UBE2V1: variants seen among roughly 807,000 people sequenced by gnomAD.
UBE2V1 encodes the protein ubiquitin-conjugating enzyme E2 variant 1.
A neutral mutation model predicts 19.6 loss-of-function variants in UBE2V1; 15 were observed. The ratio of observed to expected loss-of-function variants is 0.77; its 90% CI spans 0.51 to 1.18. The LOEUF is 1.18. UBE2V1 is among the 50% of genes most tolerant of loss of function. UBE2V1 has a pLI of 0.00. For synonymous variants in UBE2V1, 60 were observed against 60.7 expected, an observed-to-expected ratio of 0.99 and a Z score of 0.05; for missense variants, 125 against 184.8, an observed-to-expected ratio of 0.68 and a Z score of 1.88.
At chr20:50,086,299 G>A (rs1310490786) in intron 2 of UBE2V1, among the ~76,000 whole-genome samples, 1 of 152,134 alleles carries the variant, frequency 6.6e-6, no homozygotes, top group Non-Finnish European at 1.5e-5. Flanking sequence ...CTGAGGCTCA[G>A]TTATGCATCA....
chr20:50,089,159 G>A (rs1331139455), intron 2 of UBE2V1, among the ~76,000 whole-genome samples: 1 of 152,112 alleles, frequency 6.6e-6, no homozygotes, highest in Non-Finnish European at 1.5e-5. Context: ...ATGTAATAAC[G>A]AAATGAAGCA....
intron 1 of UBE2V1, among the ~76,000 whole-genome samples, chr20:50,108,196 G>T (rs1309160997): frequency 6.6e-6 from 1 of 152,200 alleles, no homozygotes; most frequent in Non-Finnish European, 1.5e-5. Context: ...AAAGCAAGAG[G>T]CTTTTTCCAT....
At chr20:50,093,862 A>AC (rs1296106095) in intron 2 of UBE2V1, among the ~76,000 whole-genome samples, 1 of 150,542 alleles carries the variant, frequency 6.6e-6, no homozygotes, top group Non-Finnish European at 1.5e-5. Context: ...GGTGGCGGGT[A>AC]CCTGTAATCC....
intron 2 of UBE2V1, among the ~76,000 whole-genome samples, chr20:50,086,556 C>A (rs186284999): frequency 4.7e-4 from 71 of 152,262 alleles, no homozygotes; most frequent in African/African-American, 1.7e-3. Flanking sequence ...TCCTCAGAAC[C>A]TATCATAGTC....
At chr20:50,091,428 T>TTTTTG (rs2079216106) in intron 2 of UBE2V1, among the ~76,000 whole-genome samples, 1 of 149,830 alleles carries the variant, frequency 6.7e-6, no homozygotes, top group African/African-American at 2.5e-5. Flanking sequence ...TTTTTTTTTT[T>TTTTTG]GAGATGGAGT....
chr20:50,101,050 A>T (rs1480788963), intron 1 of UBE2V1, among the ~76,000 whole-genome samples: 1 of 152,240 alleles, frequency 6.6e-6, no homozygotes, highest in Non-Finnish European at 1.5e-5. Context: ...CAAGTGTGCA[A>T]AGCCCACACA....
Position 50,082,645 on chromosome 20 carries a change from G to A in UBE2V1, c.*123C>T. The A allele has an allele frequency of 6.8e-7, 1 of 1,467,760 alleles. No homozygotes were observed. The highest frequency in any genetic ancestry group is 9.0e-7 in the Non-Finnish European group (1 of 1,112,722). 90.9% of individuals were successfully genotyped at this position (1,467,760 alleles called of 1,614,324 possible). The stretch of plus-strand genomic sequence containing the variant: ...CTTAAGATAAATTTCCTTTGAATGG[G>A]AGCTTCCTTTCCGGTACTTTGAGGT... On this transcript the variant is annotated 3_prime_UTR_variant, in exon 4 of 4. Coordinates refer to ENST00000371674, the MANE Select transcript of UBE2V1 (RefSeq NM_001032288.3).
intron 2 of UBE2V1, among the ~76,000 whole-genome samples, chr20:50,094,745 TG>T (rs1378602845): frequency 6.6e-6 from 1 of 151,798 alleles, no homozygotes. Flanking sequence ...GGAGGGAGAA[TG>T]GGGGGTGCCT....
At chr20:50,109,836 A>G (rs1201707268) in intron 1 of UBE2V1, among the ~76,000 whole-genome samples, 1 of 151,638 alleles carries the variant, frequency 6.6e-6, no homozygotes, top group Non-Finnish European at 1.5e-5. Context: ...TCTTTGGCTG[A>G]GCACAATATG....
upstream of UBE2V1, among the ~76,000 whole-genome samples, chr20:50,114,185 G>A (rs866962673): frequency 1.8e-4 from 28 of 152,116 alleles, no homozygotes; most frequent in Admixed American, 2.0e-4. Flanking sequence ...TAGACACTGA[G>A]GCTGAGAGAG....
intron 1 of UBE2V1, among the ~76,000 whole-genome samples, chr20:50,112,369 T>C (rs1191450708): frequency 6.6e-6 from 1 of 152,178 alleles, no homozygotes; most frequent in Non-Finnish European, 1.5e-5. Flanking sequence ...AAGCAATCCA[T>C]CTGTATCCTC....
chr20:50,108,107 A>C (rs1238080821), intron 1 of UBE2V1, among the ~76,000 whole-genome samples: 1 of 152,190 alleles, frequency 6.6e-6, no homozygotes, highest in Non-Finnish European at 1.5e-5. Flanking sequence ...GGGCTTGCTG[A>C]AGGGGAGTGG....
chr20:50,085,551 C>G (rs748247807), intron 2 of UBE2V1, among the ~76,000 whole-genome samples: 1 of 151,944 alleles, frequency 6.6e-6, no homozygotes, highest in Non-Finnish European at 1.5e-5. Context: ...AGTGCCTTCT[C>G]CGGCATCAGT....
chr20:50,100,530 A>G (rs1347204258), intron 1 of UBE2V1, among the ~76,000 whole-genome samples: 1 of 152,018 alleles, frequency 6.6e-6, no homozygotes, highest in Non-Finnish European at 1.5e-5. Flanking sequence ...GGTTGCAGTG[A>G]GCTGAGGTTG....
chr20:50,084,101 A>C, intron 3 of UBE2V1, 28 bp downstream of exon 3: 1 of 1,549,450 alleles, frequency 6.5e-7, no homozygotes, highest in South Asian at 1.3e-5. Context: ...AACTCCAAGG[A>C]ACAAGTGGGA....
chr20:50,091,420 T>C (rs1177334271), intron 2 of UBE2V1, among the ~76,000 whole-genome samples: 1 of 149,322 alleles, frequency 6.7e-6, no homozygotes, highest in Non-Finnish European at 1.5e-5. Context: ...CTTTTTTTTT[T>C]TTTTTTTTGA....
chr20:50,088,024 A>G (rs1401958025), intron 2 of UBE2V1, among the ~76,000 whole-genome samples: 1 of 151,810 alleles, frequency 6.6e-6, no homozygotes, highest in African/African-American at 2.4e-5. Context: ...ATTAGGCACT[A>G]CAGGCCCAGA....
chr20:50,111,778 C>A (rs1310765437), intron 1 of UBE2V1, among the ~76,000 whole-genome samples: 1 of 152,166 alleles, frequency 6.6e-6, no homozygotes, highest in Non-Finnish European at 1.5e-5. Flanking sequence ...CACCCTATTT[C>A]CCATGGATCA....
At chr20:50,087,496 A>C (rs2078991070) in intron 2 of UBE2V1, among the ~76,000 whole-genome samples, 1 of 152,144 alleles carries the variant, frequency 6.6e-6, no homozygotes, top group South Asian at 2.1e-4. Context: ...GGACCTGCTA[A>C]AAAGGTTTCA....
Sources: allele counts gnomAD v4.1 joint callset (sites outside exome capture counted in the v4.1 genomes callset), GRCh38; gene constraint gnomAD v4.1.1; transcripts MANE v1.5; gene names NCBI Gene and HGNC (gene_info 2026-07-23, HGNC 2026-07-21).